CHD7: variants seen among roughly 807,000 people sequenced by gnomAD.
CHD7 encodes the protein chromodomain helicase DNA binding protein 7, also known as ATP-dependent chromatin remodeler CHD7.
Under a neutral mutation model 307.3 loss-of-function variants are expected in CHD7, and 24 were observed. The ratio of observed to expected loss-of-function variants is 0.08; its 90% confidence interval spans 0.06 to 0.11. The LOEUF is 0.11. Among genes scored for constraint, CHD7 ranks in the 10% least tolerant of loss-of-function variants. The pLI is 1.00. For synonymous variants in CHD7, 1,363 were observed against 1,349.9 expected, an observed-to-expected ratio of 1.01 and a Z score of -0.21; for missense variants, 3,106 against 3,727.1, an observed-to-expected ratio of 0.83 and a Z score of 4.34.
chr8:60,827,322 T>C (rs1804299601), intron 13 of CHD7, among the ~76,000 whole-genome samples: 1 of 152,176 alleles, frequency 6.6e-6, no homozygotes, highest in African/African-American at 2.4e-5. Context: ...TTAAAAAGGC[T>C]TTAACTTTTA....
chr8:60,849,641 G>A (rs1251934759), intron 25 of CHD7, among the ~76,000 whole-genome samples: 2 of 152,188 alleles, frequency 1.3e-5, no homozygotes, highest in South Asian at 4.1e-4. Flanking sequence ...GGCTGGGGAT[G>A]CAGAACTGGC....
In CHD7 at chr8:60,737,276, T is replaced by G. The variant is rs1010147317; in HGVS notation, c.-174-3983T>G. ...AACATTTTTGGAAAGGAAATTCACT[T>G]CTATTTGCTGATGGCAGCAGCAGTT... is the stretch of plus-strand genomic sequence containing the variant. On this transcript the variant is annotated intron_variant, in intron 1 of 37. Transcript: ENST00000423902. Among the ~76,000 whole-genome samples the G allele has an allele frequency of 2.0e-5, 3 of 152,314 alleles. No individual in the cohort carries two copies. In the East Asian group the frequency reaches 5.8e-4, roughly 29 times the overall value.
intron 1 of CHD7, among the ~76,000 whole-genome samples, chr8:60,683,421 A>G (rs557753039): frequency 4.1e-4 from 63 of 152,354 alleles, no homozygotes; most frequent in African/African-American, 1.5e-3. Context: ...GTAATTTAAA[A>G]CATCATGACT....
Position 60,848,574 on chromosome 8 carries a change from C to G in CHD7, c.5270C>G (p.Ala1757Gly). 6.2e-7 allele frequency: 1 copy of G among 1,613,498 alleles called. No individual in the cohort carries two copies. The highest frequency in any genetic ancestry group is 8.5e-7 in the Non-Finnish European group (1 of 1,179,654). The change falls in exon 24 of 38, where the codon GCG becomes GGG. Residue 1757 changes from alanine to glycine, a missense_variant. Around this residue, in one of 10 missense-constraint regions of CHD7, gnomAD observed 1,030 missense variants for 1,165.4 expected, o/e 0.88. Transcript: ENST00000423902. ...YLRQEVIGDQ[A>G]DKILEGADSS... ...AGACAAGAAGTGATAGGAGACCAGGCGGATAAGATCTTAGAGGGTGCTGAC... is the reference window on the plus strand; with the variant it reads ...AGACAAGAAGTGATAGGAGACCAGGGGGATAAGATCTTAGAGGGTGCTGAC...
At chr8:60,740,057 A>C (rs559655027) in intron 1 of CHD7, among the ~76,000 whole-genome samples, 1 of 152,230 alleles carries the variant, frequency 6.6e-6, no homozygotes, top group Non-Finnish European at 1.5e-5. Context: ...TTAGTGTTCA[A>C]CAAAAACACT....
At chr8:60,752,147 A>G (rs924595316) in intron 2 of CHD7, among the ~76,000 whole-genome samples, 1 of 152,206 alleles carries the variant, frequency 6.6e-6, no homozygotes, top group Non-Finnish European at 1.5e-5. Context: ...GTTAACCTTA[A>G]CTATGTTAAC....
chr8:60,844,812 C>T, intron 21 of CHD7, 52 bp from the exon 22 acceptor site: 2 of 1,450,318 alleles, frequency 1.4e-6, no homozygotes, highest in Admixed American at 4.3e-5. Flanking sequence ...TAAAGTAAAG[C>T]CATAAATCAA....
At chr8:60,785,959 G>T (rs1563599075) in intron 3 of CHD7, among the ~76,000 whole-genome samples, 1 of 151,950 alleles carries the variant, frequency 6.6e-6, no homozygotes, top group East Asian at 1.9e-4. Flanking sequence ...TGTGGAAGAG[G>T]GTAGAGATTT....
At chr8:60,764,506 C>T (rs1434784827) in intron 2 of CHD7, among the ~76,000 whole-genome samples, 2 of 152,056 alleles carry the variant, frequency 1.3e-5, no homozygotes, top group African/African-American at 4.8e-5. Flanking sequence ...GGCAGTGTCT[C>T]TGGGAATGAG....
intron 1 of CHD7, among the ~76,000 whole-genome samples, 175 bp downstream of exon 1, chr8:60,679,257 C>T (rs1586147950): frequency 1.4e-5 from 2 of 148,118 alleles, no homozygotes; most frequent in South Asian, 2.1e-4. Context: ...AGCGCAGGAG[C>T]GCAGCGCCGC....
intron 3 of CHD7, among the ~76,000 whole-genome samples, chr8:60,785,059 A>G (rs1811433065): frequency 6.6e-6 from 1 of 152,226 alleles, no homozygotes; most frequent in Admixed American, 6.5e-5. Context: ...GGAAGGATTC[A>G]TGGAGCTGGA....
intron 1 of CHD7, among the ~76,000 whole-genome samples, chr8:60,686,366 A>C (rs1377358173): frequency 7.6e-6 from 1 of 131,012 alleles, no homozygotes; most frequent in African/African-American, 2.9e-5. Context: ...AAAAAAAAAA[A>C]CTCTTTAAAA....
In CHD7 at chr8:60,841,938, T is replaced by C. The variant is rs893977114; in HGVS notation, c.4736T>C (p.Leu1579Ser). 1.2e-6 allele frequency: 2 copies of C among 1,612,502 alleles called. No homozygotes were observed. The highest frequency in any genetic ancestry group is 2.7e-5 in the African/African-American group (2 of 74,904). ...KEDELMEFSDLESDSEEKPCA... is the reference protein window; with the variant it reads ...KEDELMEFSDSESDSEEKPCA... ...GATGAGCTGATGGAGTTCTCAGACTTGGAAAGTGATTCTGAAGAAAAGCCC... is the reference window on the plus strand; with the variant it reads ...GATGAGCTGATGGAGTTCTCAGACTCGGAAAGTGATTCTGAAGAAAAGCCC... The change falls in exon 21 of 38, where the codon TTG becomes TCG. Residue 1579 changes from leucine (L) to serine (S), a missense_variant. By Grantham distance (145) the Leu-to-Ser change is moderately radical (BLOSUM62 -2). Coordinates refer to ENST00000423902, the MANE Select transcript of CHD7 (RefSeq NM_017780.4).
At position 60,808,228 on chromosome 8, in the gene CHD7, AGAG is replaced by A; in HGVS notation, c.2459_2461del (p.Glu820del). ...TTCTTTTGTTGCAGAAGGAATCTGG[AGAG>A]GAGGTAGAAATTGAGGAATTCTATG... On this transcript the variant is annotated inframe_deletion, in exon 7 of 38. Transcript: ENST00000423902. The A allele has an allele frequency of 6.3e-7, 1 of 1,596,374 alleles. No homozygotes were observed. The highest frequency in any genetic ancestry group is 8.6e-7 in the Non-Finnish European group (1 of 1,167,040).
intron 9 of CHD7, among the ~76,000 whole-genome samples, chr8:60,821,147 C>A (rs1023024368): frequency 1.3e-5 from 2 of 152,132 alleles, no homozygotes; most frequent in Non-Finnish European, 2.9e-5. Flanking sequence ...AAGCGTATGT[C>A]TCATTTTTTA....
chr8:60,686,919 C>T (rs1335902496), intron 1 of CHD7, among the ~76,000 whole-genome samples: 1 of 152,160 alleles, frequency 6.6e-6, no homozygotes. Context: ...TTGAAAGAAA[C>T]CACAAACATT....
chr8:60,806,711 A>G (rs1029570762), intron 6 of CHD7, among the ~76,000 whole-genome samples: 2 of 152,176 alleles, frequency 1.3e-5, no homozygotes, highest in African/African-American at 4.8e-5. Flanking sequence ...ACTGTTTAAA[A>G]TATAGGTTTA....
chr8:60,816,113 GTCTCTCTC>G lies in CHD7; in HGVS notation c.2499-240_2499-233del, dbSNP rs201056061. 3.5e-3 allele frequency among the ~76,000 whole-genome samples: 491 copies of G among 139,298 alleles called. 7 individuals are homozygous for G. In the East Asian group the frequency reaches 0.036, roughly 10 times the overall value. The allele number at this position is 139,298 out of a possible 152,430, so 91.4% of individuals were successfully genotyped here. A position where few individuals can be genotyped will look rare whatever the true frequency, so the allele number is the denominator to read the frequency against. On this transcript the variant is annotated intron_variant, in intron 7 of 37. Coordinates refer to ENST00000423902, the MANE Select transcript of CHD7 (RefSeq NM_017780.4). ...GTCTCTTTTGTCTGTCTGTCTGTCT[GTCTCTCTC>G]TCTCTCTCTCTCTCTCTCTCTCTCT...
chr8:60,832,416 C>T (rs568865423), intron 15 of CHD7, among the ~76,000 whole-genome samples: 28 of 152,256 alleles, frequency 1.8e-4, no homozygotes, highest in African/African-American at 6.7e-4. Flanking sequence ...CTGCTAATCA[C>T]AGTATGTTTA....
Sources: allele counts gnomAD v4.1 joint callset (sites outside exome capture counted in the v4.1 genomes callset), GRCh38; gene constraint gnomAD v4.1.1; regional missense constraint gnomAD v4.1.1; transcripts MANE v1.5; gene names NCBI Gene and HGNC (gene_info 2026-07-23, HGNC 2026-07-21).